The following RALGAPB variants were observed in gnomAD, a reference collection of about 807,000 sequenced individuals.
The protein encoded by RALGAPB is Ral GTPase activating protein non-catalytic subunit beta, also known as ral GTPase-activating protein subunit beta.
RALGAPB carries 25 observed loss-of-function variants against 161.1 expected under a neutral mutation model. The ratio of observed to expected loss-of-function variants is 0.16; its 90% CI spans 0.11 to 0.22. RALGAPB has a LOEUF of 0.22. Among genes scored for constraint, RALGAPB ranks in the 10% least tolerant of loss-of-function variants. The pLI is 1.00. For synonymous variants in RALGAPB, 629 were observed against 626.1 expected, an observed-to-expected ratio of 1.00 and a Z score of -0.07; for missense variants, 1,391 against 1,815.2, an observed-to-expected ratio of 0.77 and a Z score of 4.25.
At chr20:38,487,088 A>T (rs911160832) in intron 1 of RALGAPB, among the ~76,000 whole-genome samples, 2 of 152,232 alleles carry the variant, frequency 1.3e-5, no homozygotes, top group Non-Finnish European at 2.9e-5. Flanking sequence ...AAGAGAGGAC[A>T]TTTGAGTTGG....
intron 21 of RALGAPB, among the ~76,000 whole-genome samples, chr20:38,552,245 A>T (rs2087401903): frequency 1.3e-5 from 2 of 150,684 alleles, no homozygotes; most frequent in South Asian, 4.2e-4. Flanking sequence ...GGTTCAAGTG[A>T]TTCTCCTACC....
At chr20:38,551,269 A>G (rs1156991114) in intron 21 of RALGAPB, 46 bp downstream of exon 21, 2 of 1,579,142 alleles carry the variant, frequency 1.3e-6, no homozygotes, top group African/African-American at 1.4e-5. Flanking sequence ...GAATAGAAAC[A>G]TTCTTACGAC....
Position 38,493,143 on chromosome 20 carries a change from C to G in RALGAPB, c.389+11C>G. On this transcript the variant is annotated intron_variant, in intron 3 of 29. Transcript: ENST00000262879. The stretch of plus-strand genomic sequence containing the variant: ...TCTTTTTGTACCAAGGTAAGCTATA[C>G]CTGTCTATCTGGCCCATTATCAGGG... 6.4e-7 allele frequency: 1 copy of G among 1,571,306 alleles called. No individual in the cohort carries two copies. Among genetic ancestry groups the G allele is most frequent in the Non-Finnish European group, 8.7e-7 (1 of 1,144,720 alleles).
At position 38,499,625 on chromosome 20, in the gene RALGAPB, C is replaced by G; in HGVS notation, c.732C>G (p.Leu244=). 2 of 1,611,390 alleles carry G rather than the reference C, an allele frequency of 1.2e-6. No homozygotes were observed. Among genetic ancestry groups the G allele is most frequent in the Non-Finnish European group, 8.5e-7 (1 of 1,178,846 alleles). ...VEQWSKVICA[L]TSRLLRFTYG... ...AGTGGAGCAAGGTCATTTGTGCACT[C>G]ACTTCCAGGTAGGTTATTGTCATTG... is the stretch of plus-strand genomic sequence containing the variant. Residue 244 remains leucine, a synonymous_variant, in exon 5 of 30, where the codon CTC becomes CTG. Coordinates refer to ENST00000262879, the MANE Select transcript of RALGAPB (RefSeq NM_020336.4).
chr20:38,551,133 A>G lies in RALGAPB; in HGVS notation c.3072A>G (p.Lys1024=). 6.2e-7 allele frequency: 1 copy of G among 1,613,988 alleles called. No individual in the cohort carries two copies. Among genetic ancestry groups the G allele is most frequent in the Non-Finnish European group, 8.5e-7 (1 of 1,179,842 alleles). ...KNDVGFKYSV[K]HRPFPEEVDK... is the part of the protein sequence containing the mutation. The stretch of plus-strand genomic sequence containing the variant: ...ACGTTGGATTTAAATATTCTGTGAA[A>G]CATCGGCCATTTCCTGAAGAGGTGG... The change falls in exon 21 of 30, where the codon AAA becomes AAG. Residue 1024 remains lysine (K), a synonymous_variant. Coordinates refer to ENST00000262879, the MANE Select transcript of RALGAPB (RefSeq NM_020336.4).
chr20:38,522,049 T>C (rs879127674), intron 10 of RALGAPB, among the ~76,000 whole-genome samples: 1 of 152,248 alleles, frequency 6.6e-6, no homozygotes, highest in African/African-American at 2.4e-5. Flanking sequence ...GGAGCTTATT[T>C]TCTGGGCAAA....
rs1461188779 is a variant in RALGAPB at position 38,578,148 on chromosome 20, C to T, written c.*3181C>T. 6.6e-6 allele frequency: 1 copy of T among 152,226 alleles called. No individual in the cohort carries two copies. Among genetic ancestry groups the T allele is most frequent in the Non-Finnish European group, 1.5e-5 (1 of 68,046 alleles). The allele number at this position is 152,226 out of a possible 1,614,324, so 9.4% of individuals were successfully genotyped here. ...TCTATTCACCATTTTAAAGCCCATT[C>T]AGGTTCTCTCTTCCTGAAAAGAACT... On this transcript the variant is annotated 3_prime_UTR_variant, in exon 30 of 30. Transcript: ENST00000262879.
At chr20:38,525,221 C>T (rs777115090) in intron 11 of RALGAPB, among the ~76,000 whole-genome samples, 183 bp from the exon 12 acceptor site, 8 of 152,118 alleles carry the variant, frequency 5.3e-5, no homozygotes, top group Non-Finnish European at 1.0e-4. Context: ...GTAGGCCTTA[C>T]GTTTTAGGTA....
intron 13 of RALGAPB, among the ~76,000 whole-genome samples, chr20:38,528,869 A>G (rs573671738): frequency 7.2e-5 from 11 of 152,196 alleles, no homozygotes; most frequent in African/African-American, 2.4e-4. Flanking sequence ...TTTAGTAGAC[A>G]CAGGATTTTA....
intron 3 of RALGAPB, among the ~76,000 whole-genome samples, chr20:38,495,542 A>G (rs952803339): frequency 2.6e-5 from 4 of 152,200 alleles, no homozygotes; most frequent in Non-Finnish European, 5.9e-5. Flanking sequence ...ACTGTGTTCC[A>G]ATACAACTTC....
At chr20:38,533,131 G>C (rs1455735446) in intron 15 of RALGAPB, among the ~76,000 whole-genome samples, 1 of 152,124 alleles carries the variant, frequency 6.6e-6, no homozygotes, top group Non-Finnish European at 1.5e-5. Context: ...TCTCTACCAT[G>C]TGTGGTGGTA....
intron 28 of RALGAPB, among the ~76,000 whole-genome samples, chr20:38,572,401 T>C (rs2088273884): frequency 6.6e-6 from 1 of 152,186 alleles, no homozygotes; most frequent in Non-Finnish European, 1.5e-5. Context: ...TAAAATAGGC[T>C]CAAAGAGGTT....
rs780209559 is a variant in RALGAPB, at chr20:38,517,883, G to A, written c.1300G>A (p.Ala434Thr). Residue 434 changes from alanine to threonine, a missense_variant, in exon 9 of 30, where the codon GCC becomes ACC. This residue lies in a region of RALGAPB where 946 missense variants were observed against 1,257.2 expected (regional missense o/e 0.75). Coordinates refer to ENST00000262879, the MANE Select transcript of RALGAPB (RefSeq NM_020336.4). ...QTSSEPRPLP[A>T]PRRPKVNSIL... is the part of the protein sequence containing the mutation. The stretch of plus-strand genomic sequence containing the variant: ...TAGTTCAGAACCCCGGCCACTGCCT[G>A]CCCCTCGGAGACCAAAGGTTAACAG... The A allele has an allele frequency of 1.2e-5, 19 of 1,613,652 alleles. No individual in the cohort carries two copies. The highest frequency in any genetic ancestry group is 2.7e-5 in the African/African-American group (2 of 74,880).
intron 21 of RALGAPB, among the ~76,000 whole-genome samples, chr20:38,552,708 T>A (rs2087420796): frequency 6.6e-6 from 1 of 152,174 alleles, no homozygotes. Flanking sequence ...TATGAAAATT[T>A]TAATCCTGGT....
chr20:38,524,238 G>A (rs1313323241), intron 10 of RALGAPB, among the ~76,000 whole-genome samples: 2 of 152,138 alleles, frequency 1.3e-5, no homozygotes, highest in Admixed American at 1.3e-4. Flanking sequence ...ACAGATGATC[G>A]AATGCAGGTT....
At chr20:38,478,438 T>G (rs560810316) in intron 1 of RALGAPB, among the ~76,000 whole-genome samples, 1 of 152,244 alleles carries the variant, frequency 6.6e-6, no homozygotes, top group East Asian at 1.9e-4. Context: ...TCTTTTTTTT[T>G]GAGACGGAGT....
intron 24 of RALGAPB, among the ~76,000 whole-genome samples, chr20:38,563,215 A>G (rs142890428): frequency 2.0e-5 from 3 of 152,376 alleles, no homozygotes; most frequent in Admixed American, 6.5e-5. Flanking sequence ...ATACAAAATG[A>G]CTGGCTTATT....
intron 24 of RALGAPB, among the ~76,000 whole-genome samples, chr20:38,564,347 A>G (rs1025088077): frequency 1.3e-5 from 2 of 152,232 alleles, no homozygotes; most frequent in Non-Finnish European, 2.9e-5. Context: ...TGTGGCTTAC[A>G]AAGCCTAAAA....
Position 38,576,843 on chromosome 20 carries a change from A to C in RALGAPB, c.*1876A>C, listed in dbSNP as rs2088457906. On this transcript the variant is annotated 3_prime_UTR_variant, in exon 30 of 30. Transcript: ENST00000262879. Reference sequence around the variant, plus strand: ...ATTAATATGTAACTTACAGCATTCCAGAGGTTAAAAATAACTGATGCAGAT... The same window carrying C: ...ATTAATATGTAACTTACAGCATTCCCGAGGTTAAAAATAACTGATGCAGAT... The C allele has an allele frequency of 6.6e-6, 1 of 152,664 alleles. No individual in the cohort carries two copies. Among genetic ancestry groups the C allele is most frequent in the African/African-American group, 2.4e-5 (1 of 41,454 alleles). 9.5% of individuals were successfully genotyped at this position (152,664 alleles called of 1,614,324 possible). A position where few individuals can be genotyped will look rare whatever the true frequency, so the allele number is the denominator to read the frequency against.
Sources: allele counts gnomAD v4.1 joint callset (sites outside exome capture counted in the v4.1 genomes callset), GRCh38; gene constraint gnomAD v4.1.1; regional missense constraint gnomAD v4.1.1; transcripts MANE v1.5; gene names NCBI Gene and HGNC (gene_info 2026-07-23, HGNC 2026-07-21).